Variants in USH2A observed in about 807,000 individuals in gnomAD.
The protein encoded by USH2A is usherin, also known as Usher syndrome 2A (autosomal recessive, mild).
In USH2A, 443 loss-of-function variants were observed where a neutral mutation model predicts 538.9. The ratio of observed to expected loss-of-function variants is 0.82; its 90% CI spans 0.76 to 0.89. USH2A has a LOEUF of 0.89. USH2A is among the 40% of genes least tolerant of loss of function. The pLI, the probability that USH2A is intolerant of heterozygous loss-of-function variation, is 0.00. For missense variants in USH2A, 6,633 were observed against 6,324.8 expected (o/e 1.05, Z -1.65); for synonymous variants, 2,413 against 2,273.5 (o/e 1.06, Z -1.75).
intron 71 of USH2A, among the ~76,000 whole-genome samples, chr1:215,627,777 C>A (rs547781560): frequency 6.6e-6 from 1 of 152,290 alleles, no homozygotes; most frequent in East Asian, 1.9e-4. Flanking sequence ...ATCCGCCCAC[C>A]TCGGCCTCCC....
At chr1:215,706,051 C>G (rs1192182901) in intron 61 of USH2A, among the ~76,000 whole-genome samples, 1 of 152,034 alleles carries the variant, frequency 6.6e-6, no homozygotes, top group Admixed American at 6.6e-5. Flanking sequence ...CTATTATGAC[C>G]CTCATTTTTC....
At chr1:215,942,323 T>C (rs1317813002) in intron 37 of USH2A, among the ~76,000 whole-genome samples, 2 of 152,130 alleles carry the variant, frequency 1.3e-5, no homozygotes, top group African/African-American at 2.4e-5. Flanking sequence ...TACAATCTTA[T>C]GGAGGTGGCA....
chr1:215,735,018 C>T (rs1330491028), intron 60 of USH2A, among the ~76,000 whole-genome samples: 1 of 152,224 alleles, frequency 6.6e-6, no homozygotes, highest in African/African-American at 2.4e-5. Flanking sequence ...CAACACGCTA[C>T]TCCTGGTGCC....
At chr1:215,702,578 T>C (rs561893853) in intron 61 of USH2A, among the ~76,000 whole-genome samples, 63 of 151,958 alleles carry the variant, frequency 4.1e-4, no homozygotes, top group African/African-American at 1.4e-3. Flanking sequence ...CTTCAATCTC[T>C]GATATCCTTT....
chr1:216,340,737 G>T (rs1447851342), intron 4 of USH2A, among the ~76,000 whole-genome samples: 11 of 151,960 alleles, frequency 7.2e-5, no homozygotes, highest in Admixed American at 3.9e-4. Flanking sequence ...CAGAACCAAT[G>T]ACAAAATCAC....
At chr1:216,354,758 A>T (rs1571733380) in intron 4 of USH2A, among the ~76,000 whole-genome samples, 2 of 152,242 alleles carry the variant, frequency 1.3e-5, no homozygotes, top group East Asian at 1.9e-4. Flanking sequence ...CTATGGGACA[A>T]TATCTAGTGC....
chr1:216,364,855 G>A (rs1428209287), intron 4 of USH2A, 98 bp downstream of exon 4: 1 of 1,471,826 alleles, frequency 6.8e-7, no homozygotes, highest in African/African-American at 1.4e-5. Context: ...CCTAGAAGAT[G>A]AATACACGTA....
intron 37 of USH2A, among the ~76,000 whole-genome samples, chr1:215,941,305 C>G (rs937150521): frequency 2.6e-5 from 4 of 151,938 alleles, no homozygotes; most frequent in African/African-American, 9.7e-5. Context: ...CAGTACAGTT[C>G]ACTATATATA....
chr1:215,729,865 C>G (rs1033085982), intron 60 of USH2A, among the ~76,000 whole-genome samples: 1 of 152,170 alleles, frequency 6.6e-6, no homozygotes, highest in East Asian at 1.9e-4. Context: ...CCAAGCAAGC[C>G]TCTGGCCTTG....
chr1:216,085,004 T>C (rs2032084102), intron 24 of USH2A, 127 bp from the exon 25 acceptor site: 1 of 857,456 alleles, frequency 1.2e-6, no homozygotes, highest in East Asian at 2.6e-5. Context: ...TGCAAGCCTC[T>C]TAATGATTCA....
Position 215,628,815 on chromosome 1 carries a change from A to C in USH2A, c.15518T>G (p.Leu5173Arg). 6.2e-7 allele frequency: 1 copy of C among 1,614,142 alleles called. No individual in the cohort carries two copies. The highest frequency in any genetic ancestry group is 8.5e-7 in the Non-Finnish European group (1 of 1,179,982). ...WEAIMGHNSGLYVDEEDLMNA... is the reference protein window; with the variant it reads ...WEAIMGHNSGRYVDEEDLMNA... ...CCCTGTATGAGGAAACCAACTCACC[A>C]GTCCACTGTTGTGGCCCATGATGGC... Residue 5173 changes from leucine to arginine, a missense_variant and splice_region_variant, in exon 71 of 72, where the codon CTG (leucine) becomes CGG (arginine). Leu to Arg is a moderately radical substitution (Grantham distance 102). Coordinates refer to ENST00000307340, the MANE Select transcript of USH2A (RefSeq NM_206933.4).
chr1:216,215,302 A>G (rs2035321916), intron 15 of USH2A, among the ~76,000 whole-genome samples: 1 of 152,172 alleles, frequency 6.6e-6, no homozygotes, highest in African/African-American at 2.4e-5. Flanking sequence ...ATTTCTTGAC[A>G]TCTGTTGGAT....
At chr1:215,826,204 C>T (rs952944623) in intron 47 of USH2A, among the ~76,000 whole-genome samples, 1 of 152,136 alleles carries the variant, frequency 6.6e-6, no homozygotes, top group African/African-American at 2.4e-5. Flanking sequence ...AGGTACATGG[C>T]CCAGGACAGT....
intron 36 of USH2A, among the ~76,000 whole-genome samples, chr1:215,969,674 C>T (rs185824286): frequency 4.7e-4 from 72 of 151,994 alleles, no homozygotes; most frequent in African/African-American, 1.7e-3. Flanking sequence ...AGCTCAGCTC[C>T]GCCGATGGAT....
In USH2A at chr1:215,661,462, C is replaced by T. The variant is rs553541003; in HGVS notation, c.14133+9510G>A. On this transcript the variant is annotated intron_variant, in intron 64 of 71. Transcript: ENST00000307340. ...TAACAGCTTCTGGCTCTTCCTACTC[C>T]CTGGGTACTTCAACATCCCTTATTG... Among the ~76,000 whole-genome samples, 4 of 152,242 alleles carry T rather than the reference C, an allele frequency of 2.6e-5. No individual in the cohort carries two copies. In the East Asian group the frequency reaches 5.8e-4, roughly 22 times the overall value.
intron 55 of USH2A, among the ~76,000 whole-genome samples, chr1:215,773,933 G>A (rs1295851110): frequency 6.6e-6 from 1 of 152,064 alleles, no homozygotes; most frequent in Non-Finnish European, 1.5e-5. Context: ...CTTTAAATTA[G>A]AATTTGTTTT....
chr1:216,179,543 G>C (rs1438077492), intron 20 of USH2A, among the ~76,000 whole-genome samples: 1 of 152,070 alleles, frequency 6.6e-6, no homozygotes, highest in Non-Finnish European at 1.5e-5. Flanking sequence ...TCCAGTAGGT[G>C]TGTTTTACAG....
chr1:216,083,748 G>A (rs2032024828), intron 25 of USH2A, among the ~76,000 whole-genome samples, 162 bp from the exon 26 acceptor site: 1 of 152,106 alleles, frequency 6.6e-6, no homozygotes, highest in Non-Finnish European at 1.5e-5. Flanking sequence ...GCACAGAAGT[G>A]ACAGAAAGAC....
intron 44 of USH2A, among the ~76,000 whole-genome samples, chr1:215,865,949 CA>C (rs1240212639): frequency 6.6e-6 from 1 of 152,154 alleles, no homozygotes; most frequent in Non-Finnish European, 1.5e-5. Flanking sequence ...AAGCTGTAAC[CA>C]AATTCAAGGC....
Sources: allele counts gnomAD v4.1 joint callset (sites outside exome capture counted in the v4.1 genomes callset), GRCh38; gene constraint gnomAD v4.1.1; transcripts MANE v1.5; gene names NCBI Gene and HGNC (gene_info 2026-07-23, HGNC 2026-07-21).